AK3: variants seen among roughly 807,000 people sequenced by gnomAD.
AK3 encodes the protein adenylate kinase 3.
Under a neutral mutation model 23.7 loss-of-function variants are expected in AK3, and 27 were observed. The ratio of observed to expected loss-of-function variants is 1.14; its 90% CI spans 0.84 to 1.57. The LOEUF (loss-of-function observed/expected upper bound fraction) is 1.57. Among genes scored for constraint, AK3 ranks in the 40% most tolerant of loss-of-function variants. The pLI is 0.00. For missense variants in AK3, 406 were observed against 285.6 expected (o/e 1.42, Z -3.04); for synonymous variants, 159 against 116.0 (o/e 1.37, Z -2.38).
At chr9:4,736,739 G>A (rs1842303302) in intron 1 of AK3, among the ~76,000 whole-genome samples, 1 of 151,440 alleles carries the variant, frequency 6.6e-6, no homozygotes. Context: ...GTACTGTGGT[G>A]CTATCACAGC....
At chr9:4,724,684 T>C (rs1197525843) in intron 1 of AK3, among the ~76,000 whole-genome samples, 1 of 151,850 alleles carries the variant, frequency 6.6e-6, no homozygotes, top group Non-Finnish European at 1.5e-5. Context: ...GAGACTGAGG[T>C]GGGAAGATTG....
Position 4,713,027 on chromosome 9 carries a change from G to A in AK3, c.633C>T (p.Phe211=), listed in dbSNP as rs755861699. The A allele has an allele frequency of 5.0e-6, 8 of 1,613,748 alleles. No homozygotes were observed. In the South Asian group the frequency reaches 7.7e-5, roughly 16 times the overall value. The change falls in exon 5 of 5, where the codon TTC becomes TTT. Residue 211 remains phenylalanine, a synonymous_variant. Coordinates refer to ENST00000381809, the MANE Select transcript of AK3 (RefSeq NM_016282.4). The part of the protein sequence containing the change: ...TNKIWPYVYA[F]LQTKVPQRSQ... The stretch of plus-strand genomic sequence containing the variant: ...TTCTTTGTGGAACTTTAGTTTGTAG[G>A]AAAGCATATACATAGGGCCAAATCT...
In AK3 at chr9:4,720,455, G is replaced by A. The variant is rs113826912; in HGVS notation, c.272-1148C>T. Among the ~76,000 whole-genome samples the A allele has an allele frequency of 5.1e-3, 776 of 152,182 alleles. 6 individuals are homozygous for A. The highest frequency in any genetic ancestry group is 0.017 in the Middle Eastern group (5 of 294). On this transcript the variant is annotated intron_variant, in intron 2 of 4. Transcript: ENST00000381809. ...TCTCAGCACTTTGAGAGGCTGAGGCGGGAGGACTGCTTGAGCCCAGGAGTT... is the reference window on the plus strand; with the variant it reads ...TCTCAGCACTTTGAGAGGCTGAGGCAGGAGGACTGCTTGAGCCCAGGAGTT...
At chr9:4,741,259 C>G, upstream of AK3, 1 of 633,738 alleles carries the variant, frequency 1.6e-6, no homozygotes, top group Non-Finnish European at 2.3e-6. Context: ...GCCCAGACAG[C>G]GCGGGACCCC....
In AK3 at chr9:4,727,427, C is replaced by T. The variant is rs185333592; in HGVS notation, c.152-4802G>A. Among the ~76,000 whole-genome samples, 222 of 152,304 alleles carry T rather than the reference C, an allele frequency of 1.5e-3. 1 individual carries two copies. Among genetic ancestry groups the T allele is most frequent in the Non-Finnish European group, 2.5e-3 (167 of 68,026 alleles). ...TGCAGCTTCTACATCAGCACTTGCA[C>T]TTTCCTGTTATAGAGACGGCTTCTT... On this transcript the variant is annotated intron_variant, in intron 1 of 4. Coordinates refer to ENST00000381809, the MANE Select transcript of AK3 (RefSeq NM_016282.4).
chr9:4,726,119 A>G (rs1176850512), intron 1 of AK3, among the ~76,000 whole-genome samples: 4 of 152,216 alleles, frequency 2.6e-5, no homozygotes, highest in East Asian at 1.9e-4. Flanking sequence ...AAAAATGTTA[A>G]TGATCATCTG....
At chr9:4,718,765 GT>G (rs60354130) in intron 3 of AK3, among the ~76,000 whole-genome samples, 21,779 of 152,116 alleles carry the variant, frequency 0.14, 1,817 homozygotes, top group East Asian at 0.3. Context: ...AGAGTAAAAG[GT>G]TTTCTAAGCA....
At chr9:4,739,481 GGTTAAATAAATCA>G (rs1325709861) in intron 1 of AK3, among the ~76,000 whole-genome samples, 1 of 150,556 alleles carries the variant, frequency 6.6e-6, no homozygotes, top group Non-Finnish European at 1.5e-5. Flanking sequence ...AGTGTGAACT[GGTTAAATAAATCA>G]TACTAGATTC....
At chr9:4,739,643 A>C (rs1296507420) in intron 1 of AK3, among the ~76,000 whole-genome samples, 1 of 151,856 alleles carries the variant, frequency 6.6e-6, no homozygotes, top group Admixed American at 6.6e-5. Flanking sequence ...AAGAAAAGAT[A>C]CACGTTGGCC....
At chr9:4,720,556 G>A (rs187328055) in intron 2 of AK3, among the ~76,000 whole-genome samples, 1 of 151,900 alleles carries the variant, frequency 6.6e-6, no homozygotes, top group South Asian at 2.1e-4. Context: ...AGGGCGTGGT[G>A]GTGCATGCCT....
chr9:4,712,835 C>A lies in AK3; in HGVS notation c.*141G>T. The A allele has an allele frequency of 2.1e-6, 2 of 969,178 alleles. No individual in the cohort carries two copies. The highest frequency in any genetic ancestry group is 2.9e-6 in the Non-Finnish European group (2 of 687,234). The allele number at this position is 969,178 out of a possible 1,614,324, so 60.0% of individuals were successfully genotyped here. ...GAATCATTTGGCACATCCTTAGTAT[C>A]CAAAATAAAATCAGTAGAAATAAAA... On this transcript the variant is annotated 3_prime_UTR_variant, in exon 5 of 5. Coordinates refer to ENST00000381809, the MANE Select transcript of AK3 (RefSeq NM_016282.4).
intron 1 of AK3, among the ~76,000 whole-genome samples, chr9:4,734,494 CTGAA>C (rs1329797540): frequency 3.9e-5 from 6 of 152,094 alleles, no homozygotes; most frequent in African/African-American, 1.4e-4. Context: ...GGATAGTTGC[CTGAA>C]TGAATGGTTA....
At chr9:4,716,753 A>C (rs1841746422) in intron 4 of AK3, among the ~76,000 whole-genome samples, 1 of 152,122 alleles carries the variant, frequency 6.6e-6, no homozygotes, top group Non-Finnish European at 1.5e-5. Flanking sequence ...ACATGGCAAG[A>C]GCCCCAGCTC....
chr9:4,726,831 G>A (rs1340748594), intron 1 of AK3, among the ~76,000 whole-genome samples: 1 of 151,566 alleles, frequency 6.6e-6, no homozygotes, highest in Non-Finnish European at 1.5e-5. Flanking sequence ...TATAGCAGCT[G>A]AACCTTATGA....
At chr9:4,738,338 G>A (rs1563800862) in intron 1 of AK3, among the ~76,000 whole-genome samples, 1 of 151,958 alleles carries the variant, frequency 6.6e-6, no homozygotes, top group Admixed American at 6.6e-5. Flanking sequence ...GCTAATTTTT[G>A]TATTTTTAGT....
At chr9:4,736,737 G>C (rs1842303214) in intron 1 of AK3, among the ~76,000 whole-genome samples, 2 of 151,556 alleles carry the variant, frequency 1.3e-5, no homozygotes, top group African/African-American at 2.4e-5. Context: ...GAGTACTGTG[G>C]TGCTATCACA....
intron 1 of AK3, among the ~76,000 whole-genome samples, chr9:4,724,397 A>G (rs1331915658): frequency 6.6e-6 from 1 of 152,156 alleles, no homozygotes; most frequent in African/African-American, 2.4e-5. Flanking sequence ...GGGTTAGAAG[A>G]TGGGGTTAAT....
chr9:4,734,046 G>C (rs753311589), intron 1 of AK3, among the ~76,000 whole-genome samples: 1 of 152,172 alleles, frequency 6.6e-6, no homozygotes, highest in Admixed American at 6.5e-5. Context: ...CTGTATGTTG[G>C]AACCTAACCC....
rs922448624 is a variant in AK3, at chr9:4,715,008, C to T, written c.564-1912G>A. 3.9e-5 allele frequency among the ~76,000 whole-genome samples: 6 copies of T among 151,956 alleles called. 1 individual carries two copies. Among genetic ancestry groups the T allele is most frequent in the Non-Finnish European group, 8.8e-5 (6 of 67,988 alleles). On this transcript the variant is annotated intron_variant, in intron 4 of 4. Coordinates refer to ENST00000381809, the MANE Select transcript of AK3 (RefSeq NM_016282.4). The stretch of plus-strand genomic sequence containing the variant: ...CCAAGGAGGGTGGATCACTTGAGGT[C>T]AGGAGTTCAAGACCAGCCTGGCCAA...
Sources: gnomAD v4.1 joint callset for allele counts (sites outside exome capture counted in the v4.1 genomes callset) on GRCh38, gnomAD v4.1.1 for gene constraint, MANE v1.5 for transcripts, NCBI Gene and HGNC (gene_info 2026-07-23, HGNC 2026-07-21) for gene names.